The following PELI2 variants were observed in gnomAD, a reference collection of about 807,000 sequenced individuals.
The protein encoded by PELI2 is E3 ubiquitin-protein ligase pellino homolog 2.
PELI2 carries 23 observed loss-of-function variants against 42.3 expected under a neutral mutation model. The ratio of observed to expected loss-of-function variants is 0.54; its 90% CI spans 0.39 to 0.77. PELI2 has a LOEUF of 0.77. Ranked by LOEUF, PELI2 falls within the 30% of genes least tolerant of loss-of-function variation. The pLI, the probability that PELI2 is intolerant of heterozygous loss-of-function variation, is 0.00. For synonymous variants in PELI2, 245 were observed against 212.2 expected, an observed-to-expected ratio of 1.15 and a Z score of -1.34; for missense variants, 463 against 553.2, an observed-to-expected ratio of 0.84 and a Z score of 1.64.
chr14:56,190,178 C>G (rs746687646), intron 2 of PELI2, among the ~76,000 whole-genome samples: 5 of 152,170 alleles, frequency 3.3e-5, no homozygotes, highest in African/African-American at 4.8e-5. Context: ...CATGACATAC[C>G]ACTTCATCAG....
chr14:56,119,848 C>T lies in PELI2; in HGVS notation c.77+1111C>T, dbSNP rs1284601405. ...GTTGAAAGACCTGTATTCAGAACAT[C>T]CTCGGCGCTGATAGGTAGGCTTAGC... On this transcript the variant is annotated intron_variant, in intron 1 of 5. Coordinates refer to ENST00000267460, the MANE Select transcript of PELI2 (RefSeq NM_021255.3). 1.2e-5 allele frequency: 12 copies of T among 985,152 alleles called. No individual in the cohort carries two copies. The South Asian group carries it at 1.9e-4, about 15-fold the overall frequency. 61.0% of individuals were successfully genotyped at this position (985,152 alleles called of 1,614,324 possible).
Position 56,166,451 on chromosome 14 carries a change from TGTTA to T in PELI2, c.78-11880_78-11877del, listed in dbSNP as rs149306745. Reference sequence around the variant, plus strand: ...ATTCTGTGTTTTTCTGTGTACTTACTGTTAGTTGTGAATTTTGTACCTTCAGGTG... The same window carrying T: ...ATTCTGTGTTTTTCTGTGTACTTACTGTTGTGAATTTTGTACCTTCAGGTG... On this transcript the variant is annotated intron_variant, in intron 1 of 5. Transcript: ENST00000267460. Among the ~76,000 whole-genome samples the T allele has an allele frequency of 7.4e-3, 1,129 of 152,322 alleles. 17 individuals carry two copies. The highest frequency in any genetic ancestry group is 0.026 in the African/African-American group (1,089 of 41,568).
chr14:56,250,125 T>C (rs755876754), intron 2 of PELI2, among the ~76,000 whole-genome samples: 30 of 152,192 alleles, frequency 2.0e-4, no homozygotes, highest in Non-Finnish European at 4.0e-4. Context: ...GCCCAAACTT[T>C]GGCTTCAAGC....
At position 56,118,674 on chromosome 14, in the gene PELI2, G is replaced by T; in HGVS notation, c.14G>T (p.Gly5Val). 1 of 1,497,700 alleles carries T rather than the reference G, an allele frequency of 6.7e-7. No homozygotes were observed. Among genetic ancestry groups the T allele is most frequent in the Non-Finnish European group, 8.9e-7 (1 of 1,122,036 alleles). The allele number at this position is 1,497,700 out of a possible 1,614,324, so 92.8% of individuals were successfully genotyped here. The change falls in exon 1 of 6, where the codon GGC becomes GTC. Residue 5 changes from glycine to valine, a missense_variant. Around this residue, in one of 3 missense-constraint regions of PELI2, gnomAD observed 343 missense variants for 378.4 expected, o/e 0.91. Coordinates refer to ENST00000267460, the MANE Select transcript of PELI2 (RefSeq NM_021255.3). MFSP[G>V]QEEHCAPNKE... is the part of the protein sequence containing the mutation. ...GAGCGGGGCTCCATGTTTTCCCCTG[G>T]CCAGGAGGAACACTGCGCCCCCAAT...
intron 3 of PELI2, among the ~76,000 whole-genome samples, chr14:56,283,991 A>C (rs1423310557): frequency 6.6e-6 from 1 of 152,204 alleles, no homozygotes; most frequent in Non-Finnish European, 1.5e-5. Flanking sequence ...GCGCGACAGC[A>C]CTCATAGTTC....
chr14:56,154,794 A>G (rs1884488896), intron 1 of PELI2, among the ~76,000 whole-genome samples: 1 of 152,238 alleles, frequency 6.6e-6, no homozygotes, highest in African/African-American at 2.4e-5. Context: ...ATTAGCTCAA[A>G]GTACGTGAAT....
intron 2 of PELI2, among the ~76,000 whole-genome samples, chr14:56,210,861 A>G (rs1415251632): frequency 6.6e-6 from 1 of 152,204 alleles, no homozygotes; most frequent in Non-Finnish European, 1.5e-5. Context: ...ATGGCTGAAC[A>G]TCCTCAGAGT....
intron 1 of PELI2, among the ~76,000 whole-genome samples, chr14:56,176,960 G>A (rs1334065408): frequency 1.3e-5 from 2 of 152,200 alleles, no homozygotes; most frequent in African/African-American, 2.4e-5. Context: ...TGTAATGGTT[G>A]TTGACTCATG....
chr14:56,205,653 TA>T lies in PELI2; in HGVS notation c.207+27193del, dbSNP rs1347960922. Among the ~76,000 whole-genome samples, 3 of 152,158 alleles carry T rather than the reference TA, an allele frequency of 2.0e-5. No individual in the cohort carries two copies. The East Asian group carries it at 5.8e-4, about 29-fold the overall frequency. ...ACTATTTGGTAGTTTTGAAAGTAAA[TA>T]AAATGTTTTGCTGTCAGATAGTGTT... is the stretch of plus-strand genomic sequence containing the variant. On this transcript the variant is annotated intron_variant, in intron 2 of 5. Transcript: ENST00000267460.
At chr14:56,171,519 C>T (rs1885167765) in intron 1 of PELI2, among the ~76,000 whole-genome samples, 2 of 152,218 alleles carry the variant, frequency 1.3e-5, no homozygotes, top group Non-Finnish European at 2.9e-5. Context: ...TAATGGTCCT[C>T]TCATCAGCCA....
At chr14:56,167,358 T>A (rs774686420) in intron 1 of PELI2, among the ~76,000 whole-genome samples, 4 of 152,146 alleles carry the variant, frequency 2.6e-5, no homozygotes, top group Non-Finnish European at 5.9e-5. Flanking sequence ...GCTTTTTTTG[T>A]TTTTTATTCT....
chr14:56,284,106 C>T (rs1344676133), intron 3 of PELI2, among the ~76,000 whole-genome samples: 1 of 152,084 alleles, frequency 6.6e-6, no homozygotes, highest in Non-Finnish European at 1.5e-5. Context: ...CAGAAAGAAC[C>T]AAGAAAGGGC....
At chr14:56,240,725 G>T (rs1887944426) in intron 2 of PELI2, among the ~76,000 whole-genome samples, 1 of 152,086 alleles carries the variant, frequency 6.6e-6, no homozygotes, top group South Asian at 2.1e-4. Flanking sequence ...GTAAAGAGAT[G>T]CTGATGCTCA....
At chr14:56,136,091 A>G (rs186762728) in intron 1 of PELI2, among the ~76,000 whole-genome samples, 48 of 152,372 alleles carry the variant, frequency 3.2e-4, no homozygotes, top group African/African-American at 1.1e-3. Flanking sequence ...TCCCATTTAT[A>G]CATGTTATTC....
chr14:56,222,313 C>T (rs1733030536), intron 2 of PELI2, among the ~76,000 whole-genome samples: 1 of 152,138 alleles, frequency 6.6e-6, no homozygotes, highest in South Asian at 2.1e-4. Flanking sequence ...GGATGTAGAT[C>T]AGAAGTGGGA....
At chr14:56,213,345 A>G (rs948518626) in intron 2 of PELI2, among the ~76,000 whole-genome samples, 1 of 152,220 alleles carries the variant, frequency 6.6e-6, no homozygotes, top group African/African-American at 2.4e-5. Flanking sequence ...GAAGCTTTGC[A>G]CAGTGGAGGC....
intron 1 of PELI2, among the ~76,000 whole-genome samples, chr14:56,169,335 A>G (rs1232714795): frequency 6.6e-6 from 1 of 152,182 alleles, no homozygotes; most frequent in Non-Finnish European, 1.5e-5. Context: ...AGAGCACTGT[A>G]TCCCTTGGTG....
chr14:56,176,420 G>A (rs533995742), intron 1 of PELI2, among the ~76,000 whole-genome samples: 19 of 152,274 alleles, frequency 1.2e-4, no homozygotes, highest in Admixed American at 1.0e-3. Context: ...TACATACAGG[G>A]GAGAAAGCCA....
rs146195600 is a variant in PELI2, at chr14:56,216,267, G to C, written c.207+37803G>C. Among the ~76,000 whole-genome samples, 2 of 152,320 alleles carry C rather than the reference G, an allele frequency of 1.3e-5. 1 individual carries two copies. The highest frequency in any genetic ancestry group is 3.9e-4 in the East Asian group (2 of 5,188). ...AAGGTCAAGGGGAAAATACATGTGT[G>C]ATTGTAGTGTTATTTGTTAAGGTTC... On this transcript the variant is annotated intron_variant, in intron 2 of 5. Transcript: ENST00000267460.
Sources: allele counts gnomAD v4.1 joint callset (sites outside exome capture counted in the v4.1 genomes callset), GRCh38; gene constraint gnomAD v4.1.1; regional missense constraint gnomAD v4.1.1; transcripts MANE v1.5; gene names NCBI Gene and HGNC (gene_info 2026-07-23, HGNC 2026-07-21).